Variants in THSD7B observed in about 807,000 individuals in gnomAD.
The protein encoded by THSD7B is thrombospondin type 1 domain containing 7B, also known as thrombospondin type-1 domain-containing protein 7B.
In THSD7B, 138 loss-of-function variants were observed where a neutral mutation model predicts 213.6. That is an observed-to-expected ratio of 0.65 (90% CI 0.56 to 0.74). The LOEUF is 0.74. THSD7B is among the 30% of genes least tolerant of loss of function. The pLI is 0.00. For synonymous variants in THSD7B, 742 were observed against 687.0 expected, an observed-to-expected ratio of 1.08 and a Z score of -1.25; for missense variants, 1,931 against 1,991.5, an observed-to-expected ratio of 0.97 and a Z score of 0.58.
intron 1 of THSD7B, among the ~76,000 whole-genome samples, chr2:136,841,680 T>G (rs978143737): frequency 6.6e-6 from 1 of 151,736 alleles, no homozygotes; most frequent in African/African-American, 2.4e-5. Flanking sequence ...GTTCAGCGTA[T>G]TATAACACAA....
Position 137,115,198 on chromosome 2 carries a change from A to T in THSD7B, c.1274A>T (p.His425Leu), listed in dbSNP as rs1688424154. 2 of 1,613,966 alleles carry T rather than the reference A, an allele frequency of 1.2e-6. No homozygotes were observed. The highest frequency in any genetic ancestry group is 1.7e-6 in the Non-Finnish European group (2 of 1,179,876). ...CTCGAGCAGCAGGATCCCCACTGGCATGTGACGGGACCCGTGTGTGGCGGT... is the reference window on the plus strand; with the variant it reads ...CTCGAGCAGCAGGATCCCCACTGGCTTGTGACGGGACCCGTGTGTGGCGGT... ...LLLEQQDPHW[H>L]VTGPVCGGGI... is the part of the protein sequence containing the mutation. Residue 425 changes from histidine to leucine, a missense_variant, in exon 5 of 28, where the codon CAT becomes CTT. Coordinates refer to ENST00000409968, the MANE Select transcript of THSD7B (RefSeq NM_001316349.2).
intron 12 of THSD7B, among the ~76,000 whole-genome samples, chr2:137,335,423 GA>G (rs550194555): frequency 5.7e-4 from 87 of 152,256 alleles, no homozygotes; most frequent in African/African-American, 1.9e-3. Flanking sequence ...ACACAGAACA[GA>G]TTATCAACTG....
At chr2:137,556,392 A>T (rs1680967986) in intron 15 of THSD7B, among the ~76,000 whole-genome samples, 1 of 152,180 alleles carries the variant, frequency 6.6e-6, no homozygotes, top group South Asian at 2.1e-4. Flanking sequence ...AATATTCAAC[A>T]TTCTTAAAGA....
Position 137,091,229 on chromosome 2 carries a change from A to G in THSD7B, c.951-3644A>G, listed in dbSNP as rs77976187. On this transcript the variant is annotated intron_variant, in intron 3 of 27. Coordinates refer to ENST00000409968, the MANE Select transcript of THSD7B (RefSeq NM_001316349.2). ...GACTTATTATCTGTTCTGCTGGTCC[A>G]GGAGGAAAAGTCAATGTGGGAAGGA... Among the ~76,000 whole-genome samples the G allele has an allele frequency of 5.3e-5, 8 of 152,222 alleles. No homozygotes were observed. In the East Asian group the frequency reaches 1.5e-3, roughly 29 times the overall value.
intron 15 of THSD7B, among the ~76,000 whole-genome samples, chr2:137,553,434 G>C (rs113044723): frequency 2.0e-5 from 3 of 152,138 alleles, no homozygotes; most frequent in African/African-American, 7.2e-5. Flanking sequence ...GTATCAGAAA[G>C]CAGTACTTAG....
chr2:136,976,641 T>TC (rs1481548389), intron 2 of THSD7B, among the ~76,000 whole-genome samples: 1 of 152,116 alleles, frequency 6.6e-6, no homozygotes, highest in Non-Finnish European at 1.5e-5. Flanking sequence ...CCTTTTTTTT[T>TC]TTCTTTTTTT....
chr2:137,667,835 C>A lies in THSD7B; in HGVS notation c.4713C>A (p.Phe1571Leu). The change falls in exon 27 of 28, where the codon TTC (phenylalanine) becomes TTA (leucine). Residue 1571 changes from phenylalanine (F) to leucine (L), a missense_variant. Transcript: ENST00000409968. ...GTGGCGCTTTTCTCATCATGATTTT[C>A]CTAATATTTACTTCCTACCTTGTTT... Reference protein sequence around the residue: ...VSGGAFLIMIFLIFTSYLVCK... With the variant: ...VSGGAFLIMILLIFTSYLVCK... 6.2e-7 allele frequency: 1 copy of A among 1,600,550 alleles called. No homozygotes were observed.
At chr2:136,903,157 G>T (rs1022356710) in intron 2 of THSD7B, among the ~76,000 whole-genome samples, 11 of 120,542 alleles carry the variant, frequency 9.1e-5, no homozygotes, top group African/African-American at 2.9e-4. Flanking sequence ...CCCCAAAAAG[G>T]TGTTTTTTTT....
intron 2 of THSD7B, among the ~76,000 whole-genome samples, chr2:136,987,160 A>G (rs911786476): frequency 2.0e-5 from 3 of 152,228 alleles, no homozygotes; most frequent in Non-Finnish European, 2.9e-5. Context: ...TCGCATATCT[A>G]GGTCTGTCTC....
intron 2 of THSD7B, among the ~76,000 whole-genome samples, chr2:136,971,887 A>G (rs762922764): frequency 1.3e-5 from 2 of 152,132 alleles, no homozygotes; most frequent in Non-Finnish European, 2.9e-5. Context: ...CCACTTCTCT[A>G]TGAATGTTAA....
chr2:137,001,972 T>C (rs1259681458), intron 2 of THSD7B, among the ~76,000 whole-genome samples: 2 of 152,204 alleles, frequency 1.3e-5, no homozygotes, highest in Admixed American at 6.5e-5. Context: ...ATTTTCCTTT[T>C]TTCAGCTGAG....
At chr2:137,105,098 A>G (rs1688221923) in intron 4 of THSD7B, among the ~76,000 whole-genome samples, 1 of 152,202 alleles carries the variant, frequency 6.6e-6, no homozygotes, top group South Asian at 2.1e-4. Context: ...TGGCAGAGAC[A>G]CAACAACAAC....
intron 17 of THSD7B, among the ~76,000 whole-genome samples, chr2:137,613,799 T>C (rs1682331010): frequency 6.6e-6 from 1 of 152,146 alleles, no homozygotes; most frequent in African/African-American, 2.4e-5. Flanking sequence ...CTTTCTCTTC[T>C]TTTTTCACTT....
chr2:136,986,469 G>A (rs562152145), intron 2 of THSD7B, among the ~76,000 whole-genome samples: 13 of 152,210 alleles, frequency 8.5e-5, no homozygotes, highest in African/African-American at 3.1e-4. Flanking sequence ...AGTATCCTGA[G>A]GCCCTCACCA....
At chr2:137,413,015 C>A (rs1432687274) in intron 14 of THSD7B, among the ~76,000 whole-genome samples, 1 of 151,602 alleles carries the variant, frequency 6.6e-6, no homozygotes, top group Non-Finnish European at 1.5e-5. Context: ...ACCAGAAAAT[C>A]AAATTCAATT....
intron 12 of THSD7B, among the ~76,000 whole-genome samples, chr2:137,338,014 C>T (rs953849033): frequency 6.6e-5 from 10 of 152,000 alleles, no homozygotes; most frequent in African/African-American, 1.2e-4. Flanking sequence ...GGGGTTAAAA[C>T]AACACTGTAT....
chr2:137,478,905 A>G (rs1391011155), intron 15 of THSD7B, among the ~76,000 whole-genome samples: 2 of 152,214 alleles, frequency 1.3e-5, no homozygotes, highest in African/African-American at 4.8e-5. Context: ...TTTGCTGGTG[A>G]CAGGGATGTC....
At chr2:137,533,233 C>T (rs745945036) in intron 15 of THSD7B, among the ~76,000 whole-genome samples, 2 of 151,804 alleles carry the variant, frequency 1.3e-5, no homozygotes, top group Non-Finnish European at 2.9e-5. Flanking sequence ...TCATTCCTCT[C>T]GTATCAGAAA....
At chr2:137,513,684 T>C (rs1680013497) in intron 15 of THSD7B, among the ~76,000 whole-genome samples, 2 of 152,274 alleles carry the variant, frequency 1.3e-5, no homozygotes, top group South Asian at 4.1e-4. Context: ...TTATTTAGAG[T>C]ATCTTAGAAA....
Sources: allele counts gnomAD v4.1 joint callset (sites outside exome capture counted in the v4.1 genomes callset), GRCh38; gene constraint gnomAD v4.1.1; transcripts MANE v1.5; gene names NCBI Gene and HGNC (gene_info 2026-07-23, HGNC 2026-07-21).